The following SAMSN1 variants were observed in gnomAD, a reference collection of about 807,000 sequenced individuals.
SAMSN1 encodes SAM domain, SH3 domain and nuclear localization signals 1.
In SAMSN1, 31 loss-of-function variants were observed where a neutral mutation model predicts 42.0. The observed-to-expected ratio is 0.74, with a 90% CI of 0.55 to 1.00. The LOEUF (loss-of-function observed/expected upper bound fraction) is 1.00, where lower values mean the gene tolerates loss of function less well. SAMSN1 is among the 50% of genes least tolerant of loss of function. The pLI, the probability that SAMSN1 is intolerant of heterozygous loss-of-function variation, is 0.00. For missense variants in SAMSN1, 464 were observed against 439.4 expected, an observed-to-expected ratio of 1.06 and a Z score of -0.50; for synonymous variants, 178 against 151.9, an observed-to-expected ratio of 1.17 and a Z score of -1.26.
intron 7 of SAMSN1, among the ~76,000 whole-genome samples, chr21:14,497,506 C>T (rs146943165): frequency 3.1e-4 from 47 of 152,202 alleles, no homozygotes; most frequent in Non-Finnish European, 5.3e-4. Context: ...GCATGAGAAT[C>T]GCTTCAACCT....
rs537259284 is a variant in SAMSN1 at position 14,622,845 on chromosome 21, A to T, written c.157-6829T>A. On this transcript the variant is annotated intron_variant, in intron 2 of 15. Transcript: ENST00000647101. ...AGATTCACCAAAGTTGAAATGAAGG[A>T]AAAAATGTTAAGGGCAGCCAGAGAG... is the stretch of plus-strand genomic sequence containing the variant. 1.6e-4 allele frequency among the ~76,000 whole-genome samples: 24 copies of T among 152,344 alleles called. No individual in the cohort carries two copies. The South Asian group carries it at 4.1e-3, about 26-fold the overall frequency.
chr21:14,541,854 A>T (rs1016538994), intron 1 of SAMSN1, among the ~76,000 whole-genome samples: 8 of 152,206 alleles, frequency 5.3e-5, no homozygotes, highest in Admixed American at 3.3e-4. Context: ...CTAGCTGAGC[A>T]TGGTGGTGCA....
rs2079929500 is a variant in SAMSN1, at chr21:14,594,799, A to T, written c.400-721T>A. 3 of 152,296 alleles carry T rather than the reference A, an allele frequency of 2.0e-5. No individual in the cohort carries two copies. The South Asian group carries it at 6.2e-4, about 32-fold the overall frequency. 9.4% of individuals were successfully genotyped at this position (152,296 alleles called of 1,614,324 possible). A position where few individuals can be genotyped will look rare whatever the true frequency, so the allele number is the denominator to read the frequency against. ...GTTGCCCCCAAATTAATATGTTGGA[A>T]TGTAATACACAATATGATAGTGTAT... On this transcript the variant is annotated intron_variant, in intron 6 of 15. Coordinates refer to the SAMSN1 transcript ENST00000647101.
chr21:14,619,405 T>A (rs915337813), intron 2 of SAMSN1, among the ~76,000 whole-genome samples: 1 of 152,250 alleles, frequency 6.6e-6, no homozygotes, highest in African/African-American at 2.4e-5. Flanking sequence ...GTAGAGCTGA[T>A]GCAAACTTTG....
chr21:14,532,188 C>A (rs368970996), intron 1 of SAMSN1, among the ~76,000 whole-genome samples: 1 of 152,090 alleles, frequency 6.6e-6, no homozygotes, highest in Non-Finnish European at 1.5e-5. Flanking sequence ...TCAAGGGGAA[C>A]CTTTTTAGAA....
chr21:14,542,244 A>T (rs753389803), intron 1 of SAMSN1, among the ~76,000 whole-genome samples: 1 of 152,200 alleles, frequency 6.6e-6, no homozygotes, highest in Non-Finnish European at 1.5e-5. Flanking sequence ...CCTGTTGCTT[A>T]TAAAGGCAGT....
intron 2 of SAMSN1, among the ~76,000 whole-genome samples, chr21:14,621,939 G>A (rs1034667996): frequency 3.3e-5 from 5 of 152,346 alleles, no homozygotes; most frequent in African/African-American, 1.2e-4. Context: ...CCAGAGGAAA[G>A]ATCAGGCAGC....
intron 2 of SAMSN1, among the ~76,000 whole-genome samples, chr21:14,561,203 C>T (rs1980937855): frequency 6.6e-6 from 1 of 152,060 alleles, no homozygotes; most frequent in South Asian, 2.1e-4. Flanking sequence ...CATCCAGAGG[C>T]AGACTCAGTG....
intron 4 of SAMSN1, among the ~76,000 whole-genome samples, chr21:14,510,776 A>C (rs187661941): frequency 6.6e-5 from 10 of 152,320 alleles, no homozygotes; most frequent in Admixed American, 6.5e-4. Context: ...CAAAAGCATC[A>C]CATTACAAAG....
chr21:14,500,055 G>A lies in SAMSN1; in HGVS notation c.768+474C>T, dbSNP rs145066827. Among the ~76,000 whole-genome samples the A allele has an allele frequency of 1.1e-3, 174 of 152,140 alleles. 3 individuals are homozygous for A. The highest frequency in any genetic ancestry group is 0.01 in the East Asian group (53 of 5,176). On this transcript the variant is annotated intron_variant, in intron 6 of 7. Transcript: ENST00000400566. ...AGTTTCCTTAACACAATCATTATGC[G>A]GCTTGATGATCACCGTTTCCCTCAA...
In SAMSN1 at chr21:14,497,412, T is replaced by C. The variant is rs1986954388; in HGVS notation, c.919+1030A>G. Among the ~76,000 whole-genome samples the C allele has an allele frequency of 3.9e-5, 6 of 152,118 alleles. No individual in the cohort carries two copies. In the South Asian group the frequency reaches 1.2e-3, roughly 32 times the overall value. ...GAGTTCGAGACCAGGCTGGCCAATATGGTGAAACCCCATCTCTACTAAAAA... is the reference window on the plus strand; with the variant it reads ...GAGTTCGAGACCAGGCTGGCCAATACGGTGAAACCCCATCTCTACTAAAAA... On this transcript the variant is annotated intron_variant, in intron 7 of 7. Coordinates refer to ENST00000400566, the MANE Select transcript of SAMSN1 (RefSeq NM_022136.5).
Position 14,546,289 on chromosome 21 carries a change from G to A in SAMSN1, c.-28C>T. 1 of 1,611,678 alleles carries A rather than the reference G, an allele frequency of 6.2e-7. No homozygotes were observed. The highest frequency in any genetic ancestry group is 8.5e-7 in the Non-Finnish European group (1 of 1,178,836). On this transcript the variant is annotated 5_prime_UTR_variant, in exon 1 of 8. Coordinates refer to ENST00000400566, the MANE Select transcript of SAMSN1 (RefSeq NM_022136.5). ...TGAATTCTGACTACTCCTAGTGAGT[G>A]CACTTTCTGCTGTTACAGAAACAAC... is the stretch of plus-strand genomic sequence containing the variant.
At chr21:14,646,696 AACT>A (rs1218518613) in intron 1 of SAMSN1, among the ~76,000 whole-genome samples, 2 of 152,196 alleles carry the variant, frequency 1.3e-5, no homozygotes, top group Admixed American at 1.3e-4. Context: ...GAAAGATAAT[AACT>A]ACAACAGCTT....
chr21:14,591,929 A>C (rs765579495), intron 7 of SAMSN1: 3 of 152,204 alleles, frequency 2.0e-5, no homozygotes, highest in Middle Eastern at 3.2e-3. Flanking sequence ...CCAATTTTCC[A>C]TAGTATAATG....
At position 14,512,025 on chromosome 21, in the gene SAMSN1, G is replaced by A. The variant is rs147896399; in HGVS notation, c.409+419C>T. ...TCGGGGGAGAAAGAATGAGGGGGAC[G>A]CAGGGAAGAGGAAGGGAGAAAGAAA... On this transcript the variant is annotated intron_variant, in intron 4 of 7. Coordinates refer to ENST00000400566, the MANE Select transcript of SAMSN1 (RefSeq NM_022136.5). 2.7e-3 allele frequency among the ~76,000 whole-genome samples: 405 copies of A among 152,184 alleles called. 7 individuals carry two copies. Among genetic ancestry groups the A allele is most frequent in the Admixed American group, 0.018 (275 of 15,282 alleles).
chr21:14,574,731 T>C, intron 2 of SAMSN1, among the ~76,000 whole-genome samples: 1 of 152,286 alleles, frequency 6.6e-6, no homozygotes, highest in Non-Finnish European at 1.5e-5. Flanking sequence ...TCTTTATTTT[T>C]ATTGTAAAAT....
intron 2 of SAMSN1, among the ~76,000 whole-genome samples, chr21:14,641,397 A>G (rs1044737229): frequency 1.3e-5 from 2 of 152,188 alleles, no homozygotes; most frequent in Admixed American, 6.5e-5. Context: ...TAATGCACCC[A>G]AAGAACAAAA....
intron 2 of SAMSN1, among the ~76,000 whole-genome samples, chr21:14,558,416 G>A (rs979854325): frequency 3.0e-4 from 46 of 152,126 alleles, no homozygotes; most frequent in African/African-American, 7.9e-4. Flanking sequence ...AGTGGCTCAC[G>A]CCTGTAATCC....
At chr21:14,562,055 T>A (rs991749647) in intron 2 of SAMSN1, among the ~76,000 whole-genome samples, 3 of 152,246 alleles carry the variant, frequency 2.0e-5, no homozygotes, top group African/African-American at 4.8e-5. Flanking sequence ...ATGACTTTGT[T>A]ATGGCAGCCT....
Sources: allele counts gnomAD v4.1 joint callset (sites outside exome capture counted in the v4.1 genomes callset), GRCh38; gene constraint gnomAD v4.1.1; transcripts MANE v1.5; gene names NCBI Gene and HGNC (gene_info 2026-07-23, HGNC 2026-07-21).